ITPK1: variants seen among roughly 807,000 people sequenced by gnomAD.
ITPK1 encodes the protein inositol-tetrakisphosphate 1-kinase.
ITPK1 carries 21 observed loss-of-function variants against 45.3 expected under a neutral mutation model. That is an observed-to-expected ratio of 0.46 (90% CI 0.33 to 0.67). ITPK1 has a LOEUF of 0.67. Ranked by LOEUF, ITPK1 falls within the 30% of genes least tolerant of loss-of-function variation. The pLI is 0.02. For missense variants in ITPK1, 474 were observed against 573.5 expected (o/e 0.83, Z 1.77); for synonymous variants, 258 against 253.6 (o/e 1.02, Z -0.16).
chr14:93,069,205 T>G (rs1283916117), intron 3 of ITPK1: 1 of 154,060 alleles, frequency 6.5e-6, no homozygotes, highest in Non-Finnish European at 1.5e-5. Context: ...CAGCCCTGTC[T>G]AATCACCCTC....
intron 10 of ITPK1, among the ~76,000 whole-genome samples, chr14:92,942,432 G>A (rs957821555): frequency 1.3e-5 from 2 of 152,208 alleles, no homozygotes; most frequent in African/African-American, 4.8e-5. Context: ...CGCCCAGGTG[G>A]AGGCTGCTGT....
chr14:92,943,969 G>C (rs1288274261), intron 10 of ITPK1, among the ~76,000 whole-genome samples: 1 of 152,210 alleles, frequency 6.6e-6, no homozygotes, highest in African/African-American at 2.4e-5. Context: ...TCCACCACGT[G>C]ACTTTGGACA....
intron 2 of ITPK1, among the ~76,000 whole-genome samples, chr14:93,099,822 G>A (rs1382375235): frequency 6.6e-6 from 1 of 151,960 alleles, no homozygotes; most frequent in Admixed American, 6.6e-5. Flanking sequence ...GGCCAGCCTG[G>A]GGCTCAGACT....
At chr14:93,105,436 A>T (rs1483602932) in intron 2 of ITPK1, among the ~76,000 whole-genome samples, 2 of 151,898 alleles carry the variant, frequency 1.3e-5, no homozygotes, top group Non-Finnish European at 2.9e-5. Flanking sequence ...GGAGCTCCCC[A>T]GCCCCCTTCC....
intron 5 of ITPK1, among the ~76,000 whole-genome samples, chr14:92,968,264 G>A (rs1885476751): frequency 6.6e-6 from 1 of 152,138 alleles, no homozygotes; most frequent in African/African-American, 2.4e-5. Context: ...CCGGGAGGCG[G>A]AGGTTGCAGT....
At position 92,946,454 on chromosome 14, in the gene ITPK1, C is replaced by T. The variant is rs767945252; in HGVS notation, c.778G>A (p.Glu260Lys). The T allele has an allele frequency of 4.1e-5, 66 of 1,612,798 alleles. No individual in the cohort carries two copies. The highest frequency in any genetic ancestry group is 1.6e-4 in the Middle Eastern group (1 of 6,082). ...IEGVFERPSD[E>K]VIRELSRALR... ...GCCCGGGAGAGCTCCCGGATGACCT[C>T]GTCGCTCGGCCGCTCGAACACGCCC... The change falls in exon 10 of 11, where the codon GAG becomes AAG. Residue 260 changes from glutamate (E) to lysine (K), a missense_variant. Around this residue, in one of 2 missense-constraint regions of ITPK1, gnomAD observed 367 missense variants for 480.6 expected, o/e 0.76. Transcript: ENST00000267615.
chr14:93,002,190 C>T (rs1887388853), intron 4 of ITPK1, among the ~76,000 whole-genome samples: 1 of 151,996 alleles, frequency 6.6e-6, no homozygotes, highest in African/African-American at 2.4e-5. Context: ...CCTGTCTCTA[C>T]AAAAAATTAA....
intron 5 of ITPK1, among the ~76,000 whole-genome samples, chr14:92,979,197 C>T (rs1886096576): frequency 6.6e-6 from 1 of 152,162 alleles, no homozygotes; most frequent in African/African-American, 2.4e-5. Flanking sequence ...CCCTGTAGTT[C>T]TTGTTTGGGC....
At chr14:93,050,491 G>C (rs908449255) in intron 3 of ITPK1, among the ~76,000 whole-genome samples, 2 of 152,196 alleles carry the variant, frequency 1.3e-5, no homozygotes, top group Non-Finnish European at 2.9e-5. Context: ...AGGCAAGAGA[G>C]AGGAGCAAGG....
rs2139850145 is a variant in ITPK1, at chr14:93,014,167, A to G, written c.246+2509T>C. Among the ~76,000 whole-genome samples the G allele has an allele frequency of 6.6e-6, 1 of 152,332 alleles. No homozygotes were observed. The highest frequency in any genetic ancestry group is 2.4e-5 in the African/African-American group (1 of 41,582). On this transcript the variant is annotated intron_variant, in intron 4 of 10. Transcript: ENST00000267615. The surrounding 1 kb of genome is among the most constrained non-coding windows in gnomAD (Gnocchi z 4.4). ...AGTGCTGGGAGGTTATGGTGAGGTC[A>G]CGGCAACCATCCCCCAAGACCCAGA...
At chr14:93,108,625 C>T (rs1289288239) in intron 2 of ITPK1, among the ~76,000 whole-genome samples, 1 of 152,222 alleles carries the variant, frequency 6.6e-6, no homozygotes, top group Non-Finnish European at 1.5e-5. Flanking sequence ...AGATTTGTCC[C>T]GGCCCTGAGC....
rs992701489 is a variant in ITPK1 at position 93,036,045 on chromosome 14, G to A, written c.121-19244C>T. 6.6e-6 allele frequency among the ~76,000 whole-genome samples: 1 copy of A among 152,172 alleles called. No homozygotes were observed. The highest frequency in any genetic ancestry group is 2.4e-5 in the African/African-American group (1 of 41,428). ...GAGCATCCTCAGAGTTTGGAAACAGGTGGGAGGAGCACTCGCCAAGCCCAA... is the reference window on the plus strand; with the variant it reads ...GAGCATCCTCAGAGTTTGGAAACAGATGGGAGGAGCACTCGCCAAGCCCAA... On this transcript the variant is annotated intron_variant, in intron 3 of 10. Coordinates refer to ENST00000267615, the MANE Select transcript of ITPK1 (RefSeq NM_014216.6). This position sits in a 1 kb window ranked among gnomAD's most constrained non-coding sequence, Gnocchi z 4.1.
chr14:93,064,561 G>A (rs563828534), intron 3 of ITPK1, among the ~76,000 whole-genome samples: 2 of 152,274 alleles, frequency 1.3e-5, no homozygotes, highest in South Asian at 4.1e-4. Context: ...CTGTAGAAGT[G>A]CTGAGTGAGC....
At chr14:92,944,734 G>A (rs913484277) in intron 10 of ITPK1, among the ~76,000 whole-genome samples, 4 of 152,264 alleles carry the variant, frequency 2.6e-5, no homozygotes, top group African/African-American at 4.8e-5. Context: ...GCATTATCCT[G>A]AATGTCCCTT....
At chr14:92,951,831 C>T in intron 9 of ITPK1, 115 bp downstream of exon 9, 1 of 797,608 alleles carries the variant, frequency 1.3e-6, no homozygotes, top group Non-Finnish European at 2.1e-6. Context: ...GGCAAACGTC[C>T]TTCCCACCCT....
chr14:93,082,830 G>C (rs1015633354), intron 2 of ITPK1, among the ~76,000 whole-genome samples: 3 of 152,234 alleles, frequency 2.0e-5, no homozygotes, highest in Non-Finnish European at 4.4e-5. Flanking sequence ...TATGTGGCGA[G>C]AATCCAGATG....
intron 5 of ITPK1, among the ~76,000 whole-genome samples, chr14:92,980,873 A>G (rs1886192312): frequency 6.6e-6 from 1 of 152,126 alleles, no homozygotes; most frequent in African/African-American, 2.4e-5. Context: ...ATGCCCAGCT[A>G]ATTTTTGTAT....
intron 3 of ITPK1, among the ~76,000 whole-genome samples, chr14:93,064,027 T>C (rs1390668605): frequency 6.6e-6 from 1 of 152,148 alleles, no homozygotes; most frequent in Non-Finnish European, 1.5e-5. Context: ...CTCACACCTG[T>C]AATCCCAGCA....
intron 2 of ITPK1, among the ~76,000 whole-genome samples, chr14:93,107,708 C>T (rs1024325097): frequency 2.0e-5 from 3 of 152,198 alleles, no homozygotes; most frequent in Admixed American, 6.5e-5. Flanking sequence ...TGACGCTCCA[C>T]GGCTCCACGG....
Sources: gnomAD v4.1 joint callset for allele counts (sites outside exome capture counted in the v4.1 genomes callset) on GRCh38, gnomAD v4.1.1 for gene constraint, gnomAD v4.1.1 regional missense constraint, Gnocchi (gnomAD v3.1) non-coding constraint, MANE v1.5 for transcripts, NCBI Gene and HGNC (gene_info 2026-07-23, HGNC 2026-07-21) for gene names.